The following CELF2 variants were observed in gnomAD, a reference collection of about 807,000 sequenced individuals.
The protein encoded by CELF2 is CUGBP Elav-like family member 2, also known as CUG triplet repeat RNA-binding protein 2.
CELF2 carries 8 observed loss-of-function variants against 62.6 expected under a neutral mutation model. The ratio of observed to expected loss-of-function variants is 0.13; its 90% CI spans 0.07 to 0.23. The LOEUF (loss-of-function observed/expected upper bound fraction) is 0.23. Ranked by LOEUF, CELF2 falls within the 10% of genes least tolerant of loss-of-function variation. The pLI is 1.00. For synonymous variants in CELF2, 258 were observed against 250.0 expected (o/e 1.03, Z -0.30); for missense variants, 333 against 671.0 (o/e 0.50, Z 5.56).
the CELF2 span, among the ~76,000 whole-genome samples, chr10:10,520,898 G>A: frequency 1.3e-5 from 2 of 152,166 alleles, no homozygotes; most frequent in Non-Finnish European, 2.9e-5. Flanking sequence ...AAAAAAAGGG[G>A]AAGTTTAAAT....
At chr10:11,212,188 C>T (rs1330758837) in intron 2 of CELF2, among the ~76,000 whole-genome samples, 1 of 152,186 alleles carries the variant, frequency 6.6e-6, no homozygotes, top group Non-Finnish European at 1.5e-5. Flanking sequence ...GCGTCAAAAG[C>T]ATCCACATCC....
At chr10:11,125,016 A>G (rs1346689110) in intron 1 of CELF2, among the ~76,000 whole-genome samples, 3 of 152,152 alleles carry the variant, frequency 2.0e-5, no homozygotes, top group Non-Finnish European at 2.9e-5. Context: ...ATTGTGTGAT[A>G]TTGTTTTACT....
chr10:10,806,203 CT>C (rs112165245), intron 1 of CELF2, among the ~76,000 whole-genome samples: 66 of 141,398 alleles, frequency 4.7e-4, no homozygotes, highest in Middle Eastern at 7.4e-3. Flanking sequence ...TTCCAGTGTT[CT>C]TTTTTTTTTT....
chr10:10,975,906 AT>A (rs2051286880), intron 2 of CELF2, among the ~76,000 whole-genome samples: 1 of 152,244 alleles, frequency 6.6e-6, no homozygotes, highest in South Asian at 2.1e-4. Context: ...AATGGTATTT[AT>A]ACTCCTATAA....
the CELF2 span, among the ~76,000 whole-genome samples, chr10:10,468,621 G>T: frequency 2.0e-5 from 3 of 151,960 alleles, no homozygotes; most frequent in East Asian, 5.8e-4. Context: ...TATGGTGTTG[G>T]TTATTGCTCC....
the CELF2 span, among the ~76,000 whole-genome samples, chr10:10,689,009 TA>T: frequency 3.3e-5 from 5 of 150,312 alleles, no homozygotes; most frequent in East Asian, 3.9e-4. Flanking sequence ...ATCTCTCTCC[TA>T]AAAAAAAAGT....
chr10:11,291,647 T>G (rs934543293), intron 9 of CELF2, among the ~76,000 whole-genome samples: 19 of 152,206 alleles, frequency 1.2e-4, no homozygotes, highest in African/African-American at 4.6e-4. Context: ...TTTATTTTGA[T>G]ATGATCATTT....
Position 11,067,360 on chromosome 10 carries a change from A to G in CELF2, c.74+49197A>G, listed in dbSNP as rs73573748. On this transcript the variant is annotated intron_variant, in intron 1 of 12. Coordinates refer to ENST00000633077, the MANE Select transcript of CELF2 (RefSeq NM_001326342.2). ...AGTGCCGGTAAAAGGCAGGTCGTCC[A>G]TTGGGGAACTTTATTTCTGAATTTG... 4.6e-3 allele frequency among the ~76,000 whole-genome samples: 697 copies of G among 152,346 alleles called. 6 individuals carry two copies. The highest frequency in any genetic ancestry group is 0.016 in the African/African-American group (647 of 41,588).
the CELF2 span, among the ~76,000 whole-genome samples, chr10:10,617,662 G>T: frequency 6.6e-6 from 1 of 151,972 alleles, no homozygotes; most frequent in Non-Finnish European, 1.5e-5. Flanking sequence ...TTTCCTCCTG[G>T]GGAGAATGAA....
intron 1 of CELF2, among the ~76,000 whole-genome samples, chr10:10,859,852 TA>T (rs1434613457): frequency 6.6e-6 from 1 of 152,178 alleles, no homozygotes; most frequent in Non-Finnish European, 1.5e-5. Flanking sequence ...AAATAATGTT[TA>T]TTTCCTCAGA....
Position 11,220,295 on chromosome 10 carries a change from A to T in CELF2, c.354+2788A>T, listed in dbSNP as rs925323697. On this transcript the variant is annotated intron_variant, in intron 3 of 12. Coordinates refer to ENST00000633077, the MANE Select transcript of CELF2 (RefSeq NM_001326342.2). The surrounding 1 kb of genome is among the most constrained non-coding windows in gnomAD (Gnocchi z 4.4). The stretch of plus-strand genomic sequence containing the variant: ...TTTTGTTTCATAAGGAACTTTTATT[A>T]TGCGGCCAAGCTTGATTGATGTTTG... Among the ~76,000 whole-genome samples the T allele has an allele frequency of 1.3e-5, 2 of 152,204 alleles. No individual in the cohort carries two copies. Among genetic ancestry groups the T allele is most frequent in the Admixed American group, 6.5e-5 (1 of 15,286 alleles).
rs146960668 is a variant in CELF2 at position 11,219,587 on chromosome 10, C to T, written c.354+2080C>T. On this transcript the variant is annotated intron_variant, in intron 3 of 12. Coordinates refer to ENST00000633077, the MANE Select transcript of CELF2 (RefSeq NM_001326342.2). ...TGTAAGGCTGATAGCCTTTCCAGTG[C>T]ACACACTTGCTACATTTGCTATTCC... Among the ~76,000 whole-genome samples, 334 of 152,302 alleles carry T rather than the reference C, an allele frequency of 2.2e-3. 1 individual carries two copies. Among genetic ancestry groups the T allele is most frequent in the Non-Finnish European group, 4.2e-3 (286 of 68,028 alleles).
At chr10:11,001,075 C>T (rs949252918), upstream of CELF2, among the ~76,000 whole-genome samples, 1 of 152,192 alleles carries the variant, frequency 6.6e-6, no homozygotes, top group Non-Finnish European at 1.5e-5. Context: ...CTTCACCGAG[C>T]TCCTACTATG....
chr10:10,698,629 C>T, the CELF2 span, among the ~76,000 whole-genome samples: 25 of 152,308 alleles, frequency 1.6e-4, no homozygotes, highest in African/African-American at 5.5e-4. Context: ...GCAACCAACA[C>T]GTTTTGGTCT....
intron 1 of CELF2, among the ~76,000 whole-genome samples, chr10:10,850,554 C>T (rs1190868222): frequency 6.6e-6 from 1 of 152,170 alleles, no homozygotes; most frequent in Non-Finnish European, 1.5e-5. Context: ...CCTTGGATCT[C>T]ATAATACGAG....
At chr10:10,954,911 T>A (rs2048732521) in intron 2 of CELF2, among the ~76,000 whole-genome samples, 1 of 152,254 alleles carries the variant, frequency 6.6e-6, no homozygotes, top group Non-Finnish European at 1.5e-5. Flanking sequence ...AAAAATAATA[T>A]GCTCATGCAT....
chr10:10,921,510 C>T (rs2064909433), intron 2 of CELF2, among the ~76,000 whole-genome samples: 1 of 152,162 alleles, frequency 6.6e-6, no homozygotes, highest in Non-Finnish European at 1.5e-5. Flanking sequence ...TCAGGTGATC[C>T]ACCTGTCTCG....
At chr10:10,650,557 C>A in the CELF2 span, among the ~76,000 whole-genome samples, 1 of 151,976 alleles carries the variant, frequency 6.6e-6, no homozygotes, top group Non-Finnish European at 1.5e-5. Context: ...CATTTATTAA[C>A]AAGAGAATGA....
rs190986345 is a variant in CELF2 at position 11,011,887 on chromosome 10, G to A, written c.53+6447G>A. ...GGCTGGAGATTTGAACCATATTATA[G>A]GGAAAAAATAAATTTCCTGTGCTCA... On this transcript the variant is annotated intron_variant, in intron 1 of 12. Transcript: ENST00000416382. This position sits in a 1 kb window ranked among gnomAD's most constrained non-coding sequence, Gnocchi z 4.6. Among the ~76,000 whole-genome samples, 196 of 152,282 alleles carry A rather than the reference G, an allele frequency of 1.3e-3. 1 individual carries two copies. The highest frequency in any genetic ancestry group is 4.4e-3 in the African/African-American group (184 of 41,546).
Sources: allele counts gnomAD v4.1 joint callset (sites outside exome capture counted in the v4.1 genomes callset), GRCh38; gene constraint gnomAD v4.1.1; non-coding constraint Gnocchi (gnomAD v3.1); transcripts MANE v1.5; gene names NCBI Gene and HGNC (gene_info 2026-07-23, HGNC 2026-07-21).